The following TMEM178B variants were observed in gnomAD, a reference collection of about 807,000 sequenced individuals.
The protein encoded by TMEM178B is transmembrane protein 178B.
TMEM178B carries 5 observed loss-of-function variants against 31.0 expected under a neutral mutation model. That is an observed-to-expected ratio of 0.16 (90% CI 0.08 to 0.34). The LOEUF (loss-of-function observed/expected upper bound fraction) is 0.34, where lower values mean the gene tolerates loss of function less well. Among genes scored for constraint, TMEM178B ranks in the 10% least tolerant of loss-of-function variants. The pLI is 1.00. For missense variants in TMEM178B, 275 were observed against 400.3 expected, an observed-to-expected ratio of 0.69 and a Z score of 2.67; for synonymous variants, 164 against 164.0, an observed-to-expected ratio of 1.00 and a Z score of 0.00.
chr7:141,178,186 C>A (rs191080842), intron 1 of TMEM178B, among the ~76,000 whole-genome samples: 1 of 152,238 alleles, frequency 6.6e-6, no homozygotes, highest in East Asian at 1.9e-4. Flanking sequence ...GATTTTATTT[C>A]TCCTTCACTT....
intron 2 of TMEM178B, among the ~76,000 whole-genome samples, chr7:141,219,388 C>CT (rs1310785559): frequency 6.6e-6 from 1 of 152,196 alleles, no homozygotes; most frequent in Non-Finnish European, 1.5e-5. Flanking sequence ...TTTTCCTTCT[C>CT]CCACATTCGC....
chr7:141,298,649 T>C (rs560926334), intron 2 of TMEM178B, among the ~76,000 whole-genome samples: 1 of 152,352 alleles, frequency 6.6e-6, no homozygotes, highest in Non-Finnish European at 1.5e-5. Context: ...GAGATTGGCC[T>C]GGACTGGTCA....
chr7:141,361,859 A>T (rs1256970444), intron 2 of TMEM178B, among the ~76,000 whole-genome samples: 1 of 152,252 alleles, frequency 6.6e-6, no homozygotes, highest in Non-Finnish European at 1.5e-5. Flanking sequence ...AGCCCACTTC[A>T]TCATTAAAAT....
chr7:141,467,762 C>T (rs891978342), intron 3 of TMEM178B, among the ~76,000 whole-genome samples: 1 of 152,226 alleles, frequency 6.6e-6, no homozygotes, highest in South Asian at 2.1e-4. Context: ...GCCCTCACCA[C>T]AGACATCTTC....
At chr7:141,407,914 A>G (rs180868229) in intron 2 of TMEM178B, among the ~76,000 whole-genome samples, 1 of 152,198 alleles carries the variant, frequency 6.6e-6, no homozygotes, top group Non-Finnish European at 1.5e-5. Flanking sequence ...ATGATGCTTT[A>G]AAGTTGAAGA....
Position 141,429,556 on chromosome 7 carries a change from A to T in TMEM178B, c.497-8052A>T, listed in dbSNP as rs532287305. ...TGGTGTGGTTAGAGGTTAGGAGGGT[A>T]TGGGGAGATATTGGTCAAAGGATAC... On this transcript the variant is annotated intron_variant, in intron 2 of 3. Transcript: ENST00000565468. Among the ~76,000 whole-genome samples the T allele has an allele frequency of 2.2e-4, 33 of 152,318 alleles. No individual in the cohort carries two copies. In the South Asian group the frequency reaches 6.4e-3, roughly 30 times the overall value.
intron 3 of TMEM178B, among the ~76,000 whole-genome samples, chr7:141,463,800 T>A (rs1422337819): frequency 6.6e-6 from 1 of 151,962 alleles, no homozygotes; most frequent in Non-Finnish European, 1.5e-5. Flanking sequence ...AGTGTAGGGA[T>A]GGTGGGAGTC....
intron 1 of TMEM178B, among the ~76,000 whole-genome samples, chr7:141,175,145 G>A (rs1586809682): frequency 6.6e-6 from 1 of 152,168 alleles, no homozygotes; most frequent in East Asian, 1.9e-4. Flanking sequence ...TGTATGGGGT[G>A]TAAGGAAGGG....
At chr7:141,272,653 A>T (rs1390564470) in intron 2 of TMEM178B, among the ~76,000 whole-genome samples, 1 of 152,184 alleles carries the variant, frequency 6.6e-6, no homozygotes, top group Non-Finnish European at 1.5e-5. Context: ...ACAAATCCAG[A>T]GATTCTGAGA....
In TMEM178B at chr7:141,109,945, G is replaced by A. The variant is rs560515033; in HGVS notation, c.382+35253G>A. Reference sequence around the variant, plus strand: ...GATAGAGCGAGACTCTGTCTCTGTCGCTCTCTCTCTCTCTAAAAAAAAAAG... The same window carrying A: ...GATAGAGCGAGACTCTGTCTCTGTCACTCTCTCTCTCTCTAAAAAAAAAAG... On this transcript the variant is annotated intron_variant, in intron 1 of 3. Coordinates refer to ENST00000565468, the MANE Select transcript of TMEM178B (RefSeq NM_001195278.2). 6.4e-4 allele frequency among the ~76,000 whole-genome samples: 96 copies of A among 150,828 alleles called. 1 individual carries two copies. The highest frequency in any genetic ancestry group is 2.1e-3 in the African/African-American group (88 of 41,116).
chr7:141,445,891 CT>C (rs1182150347), intron 3 of TMEM178B, among the ~76,000 whole-genome samples: 15 of 152,206 alleles, frequency 9.9e-5, no homozygotes, highest in African/African-American at 3.6e-4. Flanking sequence ...CATCTCTTGA[CT>C]TTTTGTCTTA....
intron 1 of TMEM178B, among the ~76,000 whole-genome samples, chr7:141,146,120 T>A (rs181014329): frequency 6.6e-6 from 1 of 152,202 alleles, no homozygotes; most frequent in Non-Finnish European, 1.5e-5. Context: ...CACTTACAGA[T>A]GAGGAAACTG....
At chr7:141,100,545 G>A (rs1795039820) in intron 1 of TMEM178B, among the ~76,000 whole-genome samples, 2 of 152,136 alleles carry the variant, frequency 1.3e-5, no homozygotes, top group Non-Finnish European at 2.9e-5. Flanking sequence ...TAATCATCAT[G>A]TGTTTGTATT....
chr7:141,361,151 C>T (rs1799911380), intron 2 of TMEM178B, among the ~76,000 whole-genome samples: 1 of 152,290 alleles, frequency 6.6e-6, no homozygotes, highest in African/African-American at 2.4e-5. Flanking sequence ...TCTGGTATTT[C>T]AAGAGAGGCC....
At chr7:141,102,116 A>T (rs538210657) in intron 1 of TMEM178B, among the ~76,000 whole-genome samples, 1 of 152,158 alleles carries the variant, frequency 6.6e-6, no homozygotes, top group East Asian at 1.9e-4. Context: ...TAGCAACCCT[A>T]TTTTATTGCC....
chr7:141,359,366 C>G (rs1253919458), intron 2 of TMEM178B, among the ~76,000 whole-genome samples: 1 of 152,164 alleles, frequency 6.6e-6, no homozygotes, highest in Admixed American at 6.5e-5. Flanking sequence ...TATTGAATCT[C>G]TCTTTACCAT....
intron 2 of TMEM178B, among the ~76,000 whole-genome samples, chr7:141,330,263 T>C (rs1799274985): frequency 6.6e-6 from 1 of 152,192 alleles, no homozygotes; most frequent in African/African-American, 2.4e-5. Context: ...ATATTGATCC[T>C]GACACTCTCC....
At chr7:141,337,443 G>T (rs1799444318) in intron 2 of TMEM178B, among the ~76,000 whole-genome samples, 1 of 151,958 alleles carries the variant, frequency 6.6e-6, no homozygotes, top group Non-Finnish European at 1.5e-5. Flanking sequence ...AAGTGCTATT[G>T]TAAATGCTTT....
intron 1 of TMEM178B, among the ~76,000 whole-genome samples, chr7:141,135,253 GGA>G (rs1395330518): frequency 1.3e-5 from 2 of 152,058 alleles, no homozygotes; most frequent in African/African-American, 4.8e-5. Flanking sequence ...AAATTTAAAG[GGA>G]GAGAGAGGCT....
Sources: gnomAD v4.1 joint callset for allele counts (sites outside exome capture counted in the v4.1 genomes callset) on GRCh38, gnomAD v4.1.1 for gene constraint, MANE v1.5 for transcripts, NCBI Gene and HGNC (gene_info 2026-07-23, HGNC 2026-07-21) for gene names.